The following LRP1B variants were observed in gnomAD, a reference collection of about 807,000 sequenced individuals.
LRP1B encodes low-density lipoprotein receptor-related protein 1B.
LRP1B carries 217 observed loss-of-function variants against 556.6 expected under a neutral mutation model. That is an observed-to-expected ratio of 0.39 (90% CI 0.35 to 0.44). The LOEUF (loss-of-function observed/expected upper bound fraction) is 0.44, where lower values mean the gene tolerates loss of function less well. Ranked by LOEUF, LRP1B falls within the 20% of genes least tolerant of loss-of-function variation. LRP1B has a pLI of 1.00. For synonymous variants in LRP1B, 2,047 were observed against 1,865.8 expected (o/e 1.10, Z -2.50); for missense variants, 5,053 against 5,620.8 (o/e 0.90, Z 3.23).
intron 3 of LRP1B, among the ~76,000 whole-genome samples, chr2:141,301,840 A>G (rs1686406886): frequency 2.0e-5 from 3 of 152,182 alleles, no homozygotes; most frequent in Admixed American, 2.0e-4. Context: ...CTTAATCATT[A>G]GGCCTCTGGT....
At chr2:141,973,493 T>A (rs1172951516) in intron 1 of LRP1B, among the ~76,000 whole-genome samples, 3 of 151,830 alleles carry the variant, frequency 2.0e-5, no homozygotes, top group African/African-American at 7.2e-5. Context: ...AGTTTTTATA[T>A]CTGTTTCTTC....
chr2:141,518,273 T>C (rs891060779), intron 2 of LRP1B, among the ~76,000 whole-genome samples: 3 of 152,086 alleles, frequency 2.0e-5, no homozygotes, highest in African/African-American at 4.8e-5. Flanking sequence ...TGGGAGTTTG[T>C]GCTAATGTTC....
intron 59 of LRP1B, among the ~76,000 whole-genome samples, chr2:140,479,039 T>C (rs1410895261): frequency 6.6e-6 from 1 of 151,978 alleles, no homozygotes; most frequent in African/African-American, 2.4e-5. Context: ...TAAGTATTCG[T>C]CAAGCAGAAG....
intron 60 of LRP1B, among the ~76,000 whole-genome samples, chr2:140,465,873 C>T (rs889026404): frequency 2.6e-5 from 4 of 152,040 alleles, no homozygotes; most frequent in Admixed American, 6.6e-5. Flanking sequence ...AGAAACATTT[C>T]TATAGTAACT....
intron 72 of LRP1B, among the ~76,000 whole-genome samples, chr2:140,362,317 AT>A (rs1350314806): frequency 6.6e-6 from 1 of 151,674 alleles, no homozygotes; most frequent in African/African-American, 2.4e-5. Context: ...CTCTAGTTTC[AT>A]CCTAAGCAAA....
rs990213250 is a variant in LRP1B, at chr2:140,295,469, C to T, written c.12967+2339G>A. Among the ~76,000 whole-genome samples, 3 of 152,034 alleles carry T rather than the reference C, an allele frequency of 2.0e-5. No homozygotes were observed. In the East Asian group the frequency reaches 5.8e-4, roughly 29 times the overall value. ...TGTTATGCTTGATTCTCAGATAAGC[C>T]GATGATTATAGCTTGACTCTGTGCT... On this transcript the variant is annotated intron_variant, in intron 84 of 90. Coordinates refer to ENST00000389484, the MANE Select transcript of LRP1B (RefSeq NM_018557.3).
At chr2:140,333,855 C>A (rs1482874872) in intron 79 of LRP1B, among the ~76,000 whole-genome samples, 1 of 151,810 alleles carries the variant, frequency 6.6e-6, no homozygotes, top group Non-Finnish European at 1.5e-5. Context: ...AGAAAAATGG[C>A]ATGGGAGAAA....
At chr2:140,390,680 A>G (rs1419065732) in intron 66 of LRP1B, among the ~76,000 whole-genome samples, 3 of 152,058 alleles carry the variant, frequency 2.0e-5, no homozygotes, top group Non-Finnish European at 2.9e-5. Context: ...GATTTATCAC[A>G]TACATATCTT....
intron 82 of LRP1B, among the ~76,000 whole-genome samples, chr2:140,321,415 C>T (rs1342878094): frequency 2.7e-5 from 4 of 146,394 alleles, no homozygotes; most frequent in Middle Eastern, 3.8e-3. Flanking sequence ...CATCAGCCCT[C>T]ATAATTATTA....
chr2:141,932,458 C>T (rs1700534628), intron 1 of LRP1B, among the ~76,000 whole-genome samples: 1 of 152,002 alleles, frequency 6.6e-6, no homozygotes, highest in South Asian at 2.1e-4. Context: ...GAGTCTCCCT[C>T]CTTAATCCAT....
chr2:141,616,215 GAGGTTGCAGT>G (rs1481166345), intron 2 of LRP1B, among the ~76,000 whole-genome samples: 1 of 151,830 alleles, frequency 6.6e-6, no homozygotes, highest in Non-Finnish European at 1.5e-5. Flanking sequence ...CCAGGAGACG[GAGGTTGCAGT>G]GAGCTGAGAT....
At chr2:141,875,701 C>A (rs906288349) in intron 1 of LRP1B, among the ~76,000 whole-genome samples, 3 of 151,864 alleles carry the variant, frequency 2.0e-5, no homozygotes, top group Admixed American at 6.6e-5. Context: ...GTAAGTTCCC[C>A]CACAAGGGTA....
At chr2:141,355,420 C>T (rs745734167) in intron 3 of LRP1B, among the ~76,000 whole-genome samples, 5 of 151,964 alleles carry the variant, frequency 3.3e-5, no homozygotes, top group African/African-American at 9.7e-5. Context: ...AGAACATTTT[C>T]GACATGCCCC....
At chr2:140,678,275 T>C (rs923280563) in intron 41 of LRP1B, among the ~76,000 whole-genome samples, 7 of 152,214 alleles carry the variant, frequency 4.6e-5, no homozygotes, top group Non-Finnish European at 8.8e-5. Flanking sequence ...TACGGGATTA[T>C]ATATGTAAAT....
intron 66 of LRP1B, among the ~76,000 whole-genome samples, chr2:140,428,272 T>A (rs912420125): frequency 6.6e-6 from 1 of 152,192 alleles, no homozygotes; most frequent in Non-Finnish European, 1.5e-5. Context: ...GGCAGCCAAG[T>A]AGCAACATAT....
chr2:141,009,106 C>T (rs998434106), intron 14 of LRP1B, among the ~76,000 whole-genome samples: 1 of 151,778 alleles, frequency 6.6e-6, no homozygotes, highest in Non-Finnish European at 1.5e-5. Flanking sequence ...GTGTCCTGGA[C>T]TCTTGACTTC....
At chr2:140,307,545 A>G (rs1373306452) in intron 83 of LRP1B, among the ~76,000 whole-genome samples, 1 of 151,772 alleles carries the variant, frequency 6.6e-6, no homozygotes, top group Admixed American at 6.6e-5. Flanking sequence ...TTGAAATAAT[A>G]TATTTTTAAG....
intron 41 of LRP1B, among the ~76,000 whole-genome samples, chr2:140,637,153 AG>A (rs1205308379): frequency 1.3e-5 from 2 of 152,202 alleles, no homozygotes; most frequent in Non-Finnish European, 2.9e-5. Context: ...AGATCACCTT[AG>A]GGGCAGAATT....
At chr2:141,585,468 T>TGTGTGTGTGA (rs1491458090) in intron 2 of LRP1B, among the ~76,000 whole-genome samples, 2 of 139,032 alleles carry the variant, frequency 1.4e-5, no homozygotes, top group East Asian at 2.1e-4. Context: ...TGTGTGTGTG[T>TGTGTGTGTGA]GATGGGGTGG....
Sources: allele counts gnomAD v4.1 joint callset (sites outside exome capture counted in the v4.1 genomes callset), GRCh38; gene constraint gnomAD v4.1.1; transcripts MANE v1.5; gene names NCBI Gene and HGNC (gene_info 2026-07-23, HGNC 2026-07-21).